CEP120: variants seen among roughly 807,000 people sequenced by gnomAD.
The protein encoded by CEP120 is centrosomal protein of 120 kDa.
Under a neutral mutation model 126.5 loss-of-function variants are expected in CEP120, and 113 were observed. The ratio of observed to expected loss-of-function variants is 0.89; its 90% confidence interval spans 0.77 to 1.04. The LOEUF is 1.04. Ranked by LOEUF, CEP120 falls within the 50% of genes least tolerant of loss-of-function variation. The pLI is 0.00. For synonymous variants in CEP120, 400 were observed against 394.3 expected (o/e 1.01, Z -0.17); for missense variants, 1,230 against 1,155.7 (o/e 1.06, Z -0.93).
intron 3 of CEP120, among the ~76,000 whole-genome samples, chr5:123,414,419 G>A (rs1349315935): frequency 6.6e-6 from 1 of 152,056 alleles, no homozygotes; most frequent in Non-Finnish European, 1.5e-5. Context: ...TCCAACCTTG[G>A]GCTAGGCTGA....
chr5:123,350,395 T>G (rs1424711122), intron 18 of CEP120, among the ~76,000 whole-genome samples: 1 of 152,150 alleles, frequency 6.6e-6, no homozygotes, highest in Non-Finnish European at 1.5e-5. Flanking sequence ...ACTGCTAATT[T>G]TATGAGTTAT....
intron 18 of CEP120, among the ~76,000 whole-genome samples, chr5:123,359,278 G>A (rs1769889652): frequency 6.6e-6 from 1 of 151,910 alleles, no homozygotes; most frequent in Admixed American, 6.6e-5. Flanking sequence ...TTCCTGTCCT[G>A]GGAACAAACA....
In CEP120 at chr5:123,360,900, A is replaced by G. The variant is rs546980607; in HGVS notation, c.2580+3596T>C. ...ACTGTTTACTTATATTATTTTTTTG[A>G]AACTACCTCAAATGGTGAAAAACTT... On this transcript the variant is annotated intron_variant, in intron 18 of 19. Transcript: ENST00000306467. Among the ~76,000 whole-genome samples the G allele has an allele frequency of 2.7e-3, 407 of 151,932 alleles. 6 individuals carry two copies. Among genetic ancestry groups the G allele is most frequent in the Non-Finnish European group, 3.5e-3 (239 of 67,788 alleles).
intron 5 of CEP120, among the ~76,000 whole-genome samples, chr5:123,397,548 T>C (rs906896777): frequency 6.6e-6 from 1 of 152,118 alleles, no homozygotes; most frequent in Non-Finnish European, 1.5e-5. Flanking sequence ...GAAACTGATA[T>C]AAAGGCAAAA....
At chr5:123,390,535 T>C (rs984247718) in intron 7 of CEP120, among the ~76,000 whole-genome samples, 1 of 152,226 alleles carries the variant, frequency 6.6e-6, no homozygotes, top group Non-Finnish European at 1.5e-5. Context: ...TAAAAATATA[T>C]GTATATGTAT....
In CEP120 at chr5:123,347,013, A is replaced by C. The variant is rs537303462; in HGVS notation, c.2727-260T>G. On this transcript the variant is annotated intron_variant, in intron 19 of 19. Transcript: ENST00000306467. ...TTGGAGCTGTGACAAAATACATGAA[A>C]ACTAGATATTTTGGAGCTGTGTAAA... Among the ~76,000 whole-genome samples the C allele has an allele frequency of 8.5e-5, 13 of 152,312 alleles. 1 individual carries two copies. Among genetic ancestry groups the C allele is most frequent in the Middle Eastern group, 3.4e-3 (1 of 294 alleles).
intron 2 of CEP120, among the ~76,000 whole-genome samples, chr5:123,417,805 T>A (rs1774477063): frequency 6.6e-6 from 1 of 152,112 alleles, no homozygotes; most frequent in African/African-American, 2.4e-5. Flanking sequence ...ACTACTAAGC[T>A]AACAGACTTA....
At position 123,346,398 on chromosome 5, in the gene CEP120, A is replaced by C; in HGVS notation, c.*121T>G. 1.5e-6 allele frequency: 1 copy of C among 679,804 alleles called. No homozygotes were observed. The allele number at this position is 679,804 out of a possible 1,614,324, so 42.1% of individuals were successfully genotyped here. ...ATAAATACTATACAATAACATACAAAATTTTGCTTATAAAAAATTGAAAAT... is the reference window on the plus strand; with the variant it reads ...ATAAATACTATACAATAACATACAACATTTTGCTTATAAAAAATTGAAAAT... On this transcript the variant is annotated 3_prime_UTR_variant, in exon 20 of 20. Transcript: ENST00000306467.
intron 16 of CEP120, among the ~76,000 whole-genome samples, chr5:123,376,147 C>G (rs6887350): frequency 6.6e-6 from 1 of 151,744 alleles, no homozygotes; most frequent in African/African-American, 2.4e-5. Context: ...AAAAACAAAC[C>G]GATATGACAT....
At chr5:123,400,852 A>G in intron 4 of CEP120, 1 of 978,098 alleles carries the variant, frequency 1.0e-6, no homozygotes, top group East Asian at 2.4e-5. Context: ...TACCCTGCAT[A>G]GTGACCTCCC....
At chr5:123,410,441 G>C (rs560063567) in intron 4 of CEP120, among the ~76,000 whole-genome samples, 3 of 152,326 alleles carry the variant, frequency 2.0e-5, no homozygotes, top group Non-Finnish European at 4.4e-5. Flanking sequence ...AGTCTTACTT[G>C]AAGCTACAGT....
intron 17 of CEP120, among the ~76,000 whole-genome samples, chr5:123,371,649 C>G (rs560848890): frequency 2.0e-5 from 3 of 152,028 alleles, no homozygotes; most frequent in Non-Finnish European, 1.5e-5. Context: ...GAGAGAAGGG[C>G]TCTCTGATGG....
chr5:123,363,059 A>C (rs1291713597), intron 18 of CEP120, among the ~76,000 whole-genome samples: 1 of 151,604 alleles, frequency 6.6e-6, no homozygotes, highest in Non-Finnish European at 1.5e-5. Flanking sequence ...ACCAGAAATG[A>C]CTTAGAAAAC....
intron 6 of CEP120, 25 bp downstream of exon 6, chr5:123,393,274 TA>T: frequency 6.2e-7 from 1 of 1,611,102 alleles, no homozygotes; most frequent in Non-Finnish European, 8.5e-7. Context: ...CACCTCCAGC[TA>T]AAAACGATTT....
At chr5:123,381,925 C>T (rs1019967807) in intron 14 of CEP120, among the ~76,000 whole-genome samples, 186 bp downstream of exon 14, 1 of 151,910 alleles carries the variant, frequency 6.6e-6, no homozygotes. Flanking sequence ...TTGCATATTC[C>T]AAAAGCACAA....
rs376875065 is a variant in CEP120, at chr5:123,388,646, C to G, written c.1256-40G>C. Reference sequence around the variant, plus strand: ...AAATAAAACAAAATAATCACACTTGCTAACAGTTTCTCTTAAATTGTACAG... The same window carrying G: ...AAATAAAACAAAATAATCACACTTGGTAACAGTTTCTCTTAAATTGTACAG... On this transcript the variant is annotated intron_variant, in intron 8 of 19. Coordinates refer to ENST00000306467, the MANE Select transcript of CEP120 (RefSeq NM_001375405.1). The G allele has an allele frequency of 4.7e-5, 67 of 1,435,740 alleles. No homozygotes were observed. The African/African-American group carries it at 8.0e-4, about 17-fold the overall frequency. 88.9% of individuals were successfully genotyped at this position (1,435,740 alleles called of 1,614,324 possible). A position where few individuals can be genotyped will look rare whatever the true frequency, so the allele number is the denominator to read the frequency against.
At chr5:123,382,699 A>G in intron 13 of CEP120, 38 bp downstream of exon 13, 1 of 1,575,366 alleles carries the variant, frequency 6.3e-7, no homozygotes. Context: ...TACAGAGCAG[A>G]CAAAGCAGAT....
chr5:123,358,428 C>A (rs1275343923), intron 18 of CEP120: 1 of 151,962 alleles, frequency 6.6e-6, no homozygotes, highest in Non-Finnish European at 1.5e-5. Context: ...CAAAAATACA[C>A]CAAACTGTCT....
In CEP120 at chr5:123,383,065, G is replaced by A. The variant is rs1771768840; in HGVS notation, c.1781C>T (p.Ala594Val). 6.6e-7 allele frequency: 1 copy of A among 1,520,806 alleles called. No homozygotes were observed. Among genetic ancestry groups the A allele is most frequent in the Non-Finnish European group, 9.1e-7 (1 of 1,103,700 alleles). The allele number at this position is 1,520,806 out of a possible 1,614,324, so 94.2% of individuals were successfully genotyped here. A position where few individuals can be genotyped will look rare whatever the true frequency, so the allele number is the denominator to read the frequency against. Residue 594 changes from alanine to valine, a missense_variant, in exon 12 of 20, where the codon GCA (alanine) becomes GTA (valine). Ala to Val is a moderately conservative substitution (Grantham distance 64). Coordinates refer to ENST00000306467, the MANE Select transcript of CEP120 (RefSeq NM_001375405.1). ...IAAQGSNNRI[A>V]DLSYTVTLED... ...TAGAGTCACTGTGTAAGAAAGATCT[G>A]CTATCCTGTTATTTGATCTACAAAT... is the stretch of plus-strand genomic sequence containing the variant.
Sources: allele counts gnomAD v4.1 joint callset (sites outside exome capture counted in the v4.1 genomes callset), GRCh38; gene constraint gnomAD v4.1.1; transcripts MANE v1.5; gene names NCBI Gene and HGNC (gene_info 2026-07-23, HGNC 2026-07-21).